Variants in TCF4 observed in about 807,000 individuals in gnomAD.
TCF4 encodes transcription factor 4.
Under a neutral mutation model 82.1 loss-of-function variants are expected in TCF4, and 3 were observed. The observed-to-expected ratio is 0.04, with a 90% CI of 0.02 to 0.09. The LOEUF is 0.09. TCF4 is among the 10% of genes least tolerant of loss of function. The pLI, the probability that TCF4 is intolerant of heterozygous loss-of-function variation, is 1.00. For synonymous variants in TCF4, 276 were observed against 309.6 expected, an observed-to-expected ratio of 0.89 and a Z score of 1.14; for missense variants, 518 against 852.7, an observed-to-expected ratio of 0.61 and a Z score of 4.89.
intron 3 of TCF4, chr18:55,482,982 C>A (rs956481826): frequency 6.6e-6 from 1 of 152,126 alleles, no homozygotes; most frequent in Non-Finnish European, 1.5e-5. Context: ...TTGTCATAGA[C>A]GTAATTTTAT....
At chr18:55,382,308 T>C (rs527781527) in intron 6 of TCF4, among the ~76,000 whole-genome samples, 49 of 152,146 alleles carry the variant, frequency 3.2e-4, no homozygotes, top group Non-Finnish European at 6.3e-4. Flanking sequence ...AGAAGTCACT[T>C]AGTCACGTAG....
intron 3 of TCF4, among the ~76,000 whole-genome samples, chr18:55,517,787 T>C (rs1282960133): frequency 6.6e-6 from 1 of 152,132 alleles, no homozygotes; most frequent in African/African-American, 2.4e-5. Context: ...TGTTTAGGTA[T>C]AAGCAGTAAA....
chr18:55,276,874 T>A (rs2061583340), intron 9 of TCF4, among the ~76,000 whole-genome samples: 1 of 152,156 alleles, frequency 6.6e-6, no homozygotes, highest in Admixed American at 6.5e-5. Context: ...TTTCATTGAG[T>A]TCTTAAATCC....
At chr18:55,392,753 A>AGT (rs141446183) in intron 6 of TCF4, among the ~76,000 whole-genome samples, 11 of 151,966 alleles carry the variant, frequency 7.2e-5, no homozygotes, top group East Asian at 3.9e-4. Flanking sequence ...GTCTTATAAC[A>AGT]GTGTGTGTGT....
chr18:55,533,618 C>T (rs1020987764), intron 3 of TCF4, among the ~76,000 whole-genome samples: 58 of 152,280 alleles, frequency 3.8e-4, no homozygotes, highest in African/African-American at 1.0e-3. Context: ...CCTTTCTTGA[C>T]GTTTTTCACA....
rs115601339 is a variant in TCF4 at position 55,375,102 on chromosome 18, C to T, written c.370-24099G>A. ...AAACAAACAACATCCCTAGATAAGACGGGATACAAGGAATTTAGCCACCAA... is the reference window on the plus strand; with the variant it reads ...AAACAAACAACATCCCTAGATAAGATGGGATACAAGGAATTTAGCCACCAA... On this transcript the variant is annotated intron_variant, in intron 6 of 19. Coordinates refer to ENST00000354452, the MANE Select transcript of TCF4 (RefSeq NM_001083962.2). Among the ~76,000 whole-genome samples the T allele has an allele frequency of 3.7e-3, 565 of 151,754 alleles. 7 individuals are homozygous for T. The highest frequency in any genetic ancestry group is 0.015 in the Admixed American group (225 of 15,238).
chr18:55,531,664 T>C (rs1292050796), intron 3 of TCF4, among the ~76,000 whole-genome samples: 1 of 152,240 alleles, frequency 6.6e-6, no homozygotes, highest in African/African-American at 2.4e-5. Flanking sequence ...AAATGGTATC[T>C]GTGTTATTCT....
chr18:55,567,889 T>A (rs1193974992), intron 3 of TCF4, among the ~76,000 whole-genome samples: 2 of 152,120 alleles, frequency 1.3e-5, no homozygotes, highest in African/African-American at 4.8e-5. Flanking sequence ...ACAGAATAGT[T>A]CTCTGACAAC....
At chr18:55,270,054 T>C in intron 10 of TCF4, 91 bp from the exon 11 acceptor site, 3 of 1,514,602 alleles carry the variant, frequency 2.0e-6, no homozygotes, top group Admixed American at 1.7e-5. Flanking sequence ...CTCTCTATTT[T>C]ACAATGGAGA....
At chr18:55,585,155 C>A in intron 3 of TCF4, 125 bp downstream of exon 3, 2 of 847,860 alleles carry the variant, frequency 2.4e-6, no homozygotes, top group Non-Finnish European at 2.0e-6. Context: ...AATGCAATAA[C>A]CGTATGATTA....
intron 2 of TCF4, among the ~76,000 whole-genome samples, chr18:55,603,576 A>T (rs1247031304): frequency 1.3e-5 from 2 of 152,194 alleles, no homozygotes; most frequent in Non-Finnish European, 2.9e-5. Flanking sequence ...TCTAAGAGAG[A>T]TTGTTAAAAT....
At chr18:55,628,939 C>T (rs1191456744) in intron 2 of TCF4, among the ~76,000 whole-genome samples, 4 of 152,018 alleles carry the variant, frequency 2.6e-5, no homozygotes, top group Non-Finnish European at 4.4e-5. Context: ...AGACATAAGT[C>T]GACAGACTTC....
intron 5 of TCF4, among the ~76,000 whole-genome samples, chr18:55,441,348 G>A (rs953451315): frequency 6.6e-6 from 1 of 152,174 alleles, no homozygotes; most frequent in African/African-American, 2.4e-5. Flanking sequence ...TTTTATGTAA[G>A]TTTCCATTTG....
chr18:55,331,159 G>A (rs571728935), intron 8 of TCF4, among the ~76,000 whole-genome samples: 1 of 152,040 alleles, frequency 6.6e-6, no homozygotes, highest in African/African-American at 2.4e-5. Flanking sequence ...GAAGCTCAGT[G>A]GAGTATCTGT....
intron 14 of TCF4, among the ~76,000 whole-genome samples, chr18:55,256,114 G>T (rs2056763893): frequency 6.6e-6 from 1 of 152,144 alleles, no homozygotes; most frequent in South Asian, 2.1e-4. Context: ...TTACTTCTGA[G>T]TGTAAATGTA....
At chr18:55,261,730 C>T (rs1451738538) in intron 11 of TCF4, among the ~76,000 whole-genome samples, 197 bp from the exon 12 acceptor site, 6 of 152,098 alleles carry the variant, frequency 3.9e-5, no homozygotes, top group Non-Finnish European at 8.8e-5. Context: ...AAAATATAAA[C>T]CTGACACCTT....
At chr18:55,488,861 A>T (rs965755265) in intron 3 of TCF4, among the ~76,000 whole-genome samples, 31 of 152,224 alleles carry the variant, frequency 2.0e-4, no homozygotes, top group African/African-American at 6.8e-4. Flanking sequence ...TTCTTTACAA[A>T]ACAAGCTTTC....
intron 2 of TCF4, among the ~76,000 whole-genome samples, chr18:55,595,575 A>G (rs543413399): frequency 6.6e-6 from 1 of 152,262 alleles, no homozygotes; most frequent in East Asian, 1.9e-4. Context: ...ACCTAGACAT[A>G]TACAGAGTAG....
intron 6 of TCF4, among the ~76,000 whole-genome samples, chr18:55,377,800 T>C (rs2091105389): frequency 6.6e-6 from 1 of 152,208 alleles, no homozygotes; most frequent in African/African-American, 2.4e-5. Flanking sequence ...TCAAAGGCAA[T>C]TCTATACTGT....
Sources: allele counts gnomAD v4.1 joint callset (sites outside exome capture counted in the v4.1 genomes callset), GRCh38; gene constraint gnomAD v4.1.1; transcripts MANE v1.5; gene names NCBI Gene and HGNC (gene_info 2026-07-23, HGNC 2026-07-21).